The following TAP1 variants were observed in gnomAD, a reference collection of about 807,000 sequenced individuals.
TAP1 encodes the protein transporter 1, ATP binding cassette subfamily B member.
In TAP1, 56 loss-of-function variants were observed where a neutral mutation model predicts 79.3. The observed-to-expected ratio is 0.71, with a 90% CI of 0.57 to 0.88. TAP1 has a LOEUF of 0.88. Ranked by LOEUF, TAP1 falls within the 40% of genes least tolerant of loss-of-function variation. The pLI is 0.00. For missense variants in TAP1, 737 were observed against 936.3 expected, an observed-to-expected ratio of 0.79 and a Z score of 2.78; for synonymous variants, 355 against 401.4, an observed-to-expected ratio of 0.88 and a Z score of 1.38.
rs752253839 is a variant in TAP1 at position 32,847,091 on chromosome 6, G to A, written c.2017C>T (p.Leu673=). 6.2e-7 allele frequency: 1 copy of A among 1,612,764 alleles called. No individual in the cohort carries two copies. Among genetic ancestry groups the A allele is most frequent in the Admixed American group, 1.7e-5 (1 of 60,014 alleles). The change falls in exon 10 of 11, where the codon CTG becomes TTG. Residue 673 remains leucine (L), a synonymous_variant. Transcript: ENST00000354258. This position sits in a 1 kb window ranked among gnomAD's most constrained non-coding sequence, Gnocchi z 4.7. ...VLILDDATSA[L]DANSQLQVEQ... ...ACCTGTAACTGGCTGTTTGCATCCA[G>A]GGCACTGGTGGCATCATCCAGGATA...
At chr6:32,846,289 G>A (rs1770392955) in intron 10 of TAP1, 2 of 187,002 alleles carry the variant, frequency 1.1e-5, no homozygotes, top group Non-Finnish European at 1.2e-5. Context: ...ATAAATGAGT[G>A]ACAGTGCATG....
rs914632702 is a variant in TAP1, at chr6:32,852,000, T to C, written c.844+109A>G. 2.8e-6 allele frequency: 4 copies of C among 1,423,192 alleles called. No individual in the cohort carries two copies. The highest frequency in any genetic ancestry group is 3.4e-5 in the Admixed American group (2 of 58,608). The allele number at this position is 1,423,192 out of a possible 1,614,324, so 88.2% of individuals were successfully genotyped here. A position where few individuals can be genotyped will look rare whatever the true frequency, so the allele number is the denominator to read the frequency against. On this transcript the variant is annotated intron_variant, in intron 3 of 10. Transcript: ENST00000354258. The surrounding 1 kb of genome is among the most constrained non-coding windows in gnomAD (Gnocchi z 4.8). ...GTATATCAAGAATGAGAAGGAACAA[T>C]GTGTGTATGTGTGTGTGAGAGAGAG...
intron 6 of TAP1, 46 bp from the exon 7 acceptor site, chr6:32,848,886 G>T (rs16871027): frequency 0.029 from 46,062 of 1,612,656 alleles, 1,529 homozygotes; most frequent in African/African-American, 0.14. Flanking sequence ...CTGCTTGCCA[G>T]CATTATGTGA....
At position 32,853,069 on chromosome 6, in the gene TAP1, A is replaced by G. The variant is rs1454237146; in HGVS notation, c.568T>C (p.Phe190Leu). Residue 190 changes from phenylalanine (F) to leucine (L), a missense_variant, in exon 1 of 11, where the codon TTC (phenylalanine) becomes CTC (leucine). Physicochemically the swap from Phe to Leu is conservative, Grantham distance 22 (BLOSUM62 0). Transcript: ENST00000354258. This position sits in a 1 kb window ranked among gnomAD's most constrained non-coding sequence, Gnocchi z 8.3. ...LGSETRRLSLFLVLVVLSSLG... is the reference protein window; with the variant it reads ...LGSETRRLSLLLVLVVLSSLG... ...GAGGAGAGGACCACCAGGACCAGGAACAGCGAGAGGCGGCGCGTCTCCGAG... is the reference window on the plus strand; with the variant it reads ...GAGGAGAGGACCACCAGGACCAGGAGCAGCGAGAGGCGGCGCGTCTCCGAG... 1.2e-6 allele frequency: 2 copies of G among 1,612,656 alleles called. No homozygotes were observed. Among genetic ancestry groups the G allele is most frequent in the Non-Finnish European group, 1.7e-6 (2 of 1,180,022 alleles).
rs1249528291 is a variant in TAP1, at chr6:32,853,609, G to A, written c.28C>T (p.Arg10Cys). Reference sequence around the variant, plus strand: ...GCTCCGGGGAGGCAGCGGCACCCGCGGGGAGCGGGACACCTAGAGCTAGCC... The same window carrying A: ...GCTCCGGGGAGGCAGCGGCACCCGCAGGGAGCGGGACACCTAGAGCTAGCC... MASSRCPAPRGCRCLPGASL... is the reference protein window; with the variant it reads MASSRCPAPCGCRCLPGASL... The change falls in exon 1 of 11, where the codon CGC becomes TGC. Residue 10 changes from arginine to cysteine, a missense_variant. Arg to Cys is a radical substitution (Grantham distance 180). Coordinates refer to ENST00000354258, the MANE Select transcript of TAP1 (RefSeq NM_000593.6). The surrounding 1 kb of genome is among the most constrained non-coding windows in gnomAD (Gnocchi z 8.3). 1.2e-6 allele frequency: 2 copies of A among 1,612,340 alleles called. No individual in the cohort carries two copies. Among genetic ancestry groups the A allele is most frequent in the Admixed American group, 1.7e-5 (1 of 60,020 alleles).
In TAP1 at chr6:32,845,860, G is replaced by C. The variant is rs1347607032; in HGVS notation, c.2041-75C>G. The C allele has an allele frequency of 7.7e-7, 1 of 1,296,602 alleles. No individual in the cohort carries two copies. Among genetic ancestry groups the C allele is most frequent in the African/African-American group, 1.5e-5 (1 of 68,706 alleles). 80.3% of individuals were successfully genotyped at this position (1,296,602 alleles called of 1,614,324 possible). On this transcript the variant is annotated intron_variant, in intron 10 of 10. Transcript: ENST00000354258. The surrounding 1 kb of genome is among the most constrained non-coding windows in gnomAD (Gnocchi z 4.5). Reference sequence around the variant, plus strand: ...GGAGACACCTGTGTTTCCAGGGCTGGGACTGACCTCACAGGATCACTGCTG... The same window carrying C: ...GGAGACACCTGTGTTTCCAGGGCTGCGACTGACCTCACAGGATCACTGCTG...
In TAP1 at chr6:32,848,699, C is replaced by T. The variant is rs200865723; in HGVS notation, c.1519G>A (p.Asp507Asn). 2.7e-5 allele frequency: 44 copies of T among 1,614,144 alleles called. No individual in the cohort carries two copies. Among genetic ancestry groups the T allele is most frequent in the Admixed American group, 1.8e-4 (11 of 60,026 alleles). ...LHLEGLVQFQ[D>N]VSFAYPNRPD... ...CGGTTTGGGTAGGCAAAGGAGACAT[C>T]TTGGAACTGGACAAGGCCCTCCAAG... The change falls in exon 7 of 11, where the codon GAT (aspartate) becomes AAT (asparagine). Residue 507 changes from aspartate (D) to asparagine (N), a missense_variant. Coordinates refer to ENST00000354258, the MANE Select transcript of TAP1 (RefSeq NM_000593.6).
At position 32,852,222 on chromosome 6, in the gene TAP1, A is replaced by G; in HGVS notation, c.731T>C (p.Val244Ala). The G allele has an allele frequency of 1.9e-6, 3 of 1,613,034 alleles. No individual in the cohort carries two copies. The highest frequency in any genetic ancestry group is 2.5e-6 in the Non-Finnish European group (3 of 1,180,002). ...LTIASAVLEF[V>A]GDGIYNNTMG... ...GGTGTTGTTATAGATCCCGTCACCC[A>G]CGAACTCCAGCACTGCACTATAAAG... Residue 244 changes from valine to alanine, a missense_variant, in exon 3 of 11, where the codon GTG becomes GCG. Physicochemically the swap from Val to Ala is moderately conservative, Grantham distance 64. Transcript: ENST00000354258. This position sits in a 1 kb window ranked among gnomAD's most constrained non-coding sequence, Gnocchi z 4.8.
Position 32,852,008 on chromosome 6 carries a change from T to A in TAP1, c.844+101A>T. The A allele has an allele frequency of 6.8e-7, 1 of 1,476,470 alleles. No individual in the cohort carries two copies. 91.5% of individuals were successfully genotyped at this position (1,476,470 alleles called of 1,614,324 possible). On this transcript the variant is annotated intron_variant, in intron 3 of 10. Coordinates refer to ENST00000354258, the MANE Select transcript of TAP1 (RefSeq NM_000593.6). This position sits in a 1 kb window ranked among gnomAD's most constrained non-coding sequence, Gnocchi z 4.8. ...AGAATGAGAAGGAACAATGTGTGTA[T>A]GTGTGTGTGAGAGAGAGAGAGCGGG...
Position 32,851,842 on chromosome 6 carries a change from G to C in TAP1, c.844+267C>G, listed in dbSNP as rs956813677. Among the ~76,000 whole-genome samples, 2 of 151,990 alleles carry C rather than the reference G, an allele frequency of 1.3e-5. No homozygotes were observed. The highest frequency in any genetic ancestry group is 1.3e-4 in the Admixed American group (2 of 15,242). ...AAGAAAATGCTAGATGAAAACTCTAGGTTTTTCTTAAGGTAAGGAGGACAA... is the reference window on the plus strand; with the variant it reads ...AAGAAAATGCTAGATGAAAACTCTACGTTTTTCTTAAGGTAAGGAGGACAA... On this transcript the variant is annotated intron_variant, in intron 3 of 10. Coordinates refer to ENST00000354258, the MANE Select transcript of TAP1 (RefSeq NM_000593.6). The surrounding 1 kb of genome is among the most constrained non-coding windows in gnomAD (Gnocchi z 4.8).
rs1337739864 is a variant in TAP1, at chr6:32,852,612, T to C, written c.599-110A>G. ...CCCCTCACCATTATCCTGGAGGGCA[T>C]CAGCAGAAAGGAAACACTGACGTCT... On this transcript the variant is annotated intron_variant, in intron 1 of 10. Coordinates refer to ENST00000354258, the MANE Select transcript of TAP1 (RefSeq NM_000593.6). This position sits in a 1 kb window ranked among gnomAD's most constrained non-coding sequence, Gnocchi z 4.8. The C allele has an allele frequency of 6.4e-7, 1 of 1,555,868 alleles. No individual in the cohort carries two copies. The highest frequency in any genetic ancestry group is 8.7e-7 in the Non-Finnish European group (1 of 1,151,300).
rs114600332 is a variant in TAP1, at chr6:32,845,913, A to G, written c.2041-128T>C. The G allele has an allele frequency of 1.1e-5, 8 of 750,476 alleles. No individual in the cohort carries two copies. Among genetic ancestry groups the G allele is most frequent in the African/African-American group, 5.2e-5 (3 of 57,988 alleles). 46.5% of individuals were successfully genotyped at this position (750,476 alleles called of 1,614,324 possible). A position where few individuals can be genotyped will look rare whatever the true frequency, so the allele number is the denominator to read the frequency against. ...TCTGCTAACAACCCCAAGGACACCA[A>G]CGTTTCCCATTCTGAGTACTTCTCC... is the stretch of plus-strand genomic sequence containing the variant. On this transcript the variant is annotated intron_variant, in intron 10 of 10. Coordinates refer to ENST00000354258, the MANE Select transcript of TAP1 (RefSeq NM_000593.6). This position sits in a 1 kb window ranked among gnomAD's most constrained non-coding sequence, Gnocchi z 4.5.
At chr6:32,849,202 A>G in intron 5 of TAP1, 84 bp from the exon 6 acceptor site, 1 of 1,515,932 alleles carries the variant, frequency 6.6e-7, no homozygotes, top group South Asian at 1.2e-5. Context: ...CCTGAAGGAA[A>G]TATCAAGTCC....
chr6:32,849,583 TACA>T, intron 5 of TAP1: 3 of 102,132 alleles, frequency 2.9e-5, no homozygotes, highest in South Asian at 3.7e-4. Flanking sequence ...CTACTAAAAA[TACA>T]AAAAAAAAAA....
chr6:32,847,017 A>G lies in TAP1; in HGVS notation c.2040+51T>C, dbSNP rs371917377. 6.8e-6 allele frequency: 11 copies of G among 1,606,526 alleles called. No individual in the cohort carries two copies. The African/African-American group carries it at 1.3e-4, about 19-fold the overall frequency. On this transcript the variant is annotated intron_variant, in intron 10 of 10. Transcript: ENST00000354258. This position sits in a 1 kb window ranked among gnomAD's most constrained non-coding sequence, Gnocchi z 4.7. Reference sequence around the variant, plus strand: ...TAGTAAAACTAACAGAAGATGTATAAAAGAAGCAAGATTGGGTGGGATATA... The same window carrying G: ...TAGTAAAACTAACAGAAGATGTATAGAAGAAGCAAGATTGGGTGGGATATA...
chr6:32,852,111 G>A lies in TAP1; in HGVS notation c.842C>T (p.Thr281Ile), dbSNP rs965393828. The A allele has an allele frequency of 6.2e-7, 1 of 1,612,884 alleles. No homozygotes were observed. Among genetic ancestry groups the A allele is most frequent in the Non-Finnish European group, 8.5e-7 (1 of 1,180,022 alleles). The change falls in exon 3 of 11, where the codon ACA (threonine) becomes ATA (isoleucine). Residue 281 changes from threonine (T) to isoleucine (I), a missense_variant and splice_region_variant. Around this residue, in one of 5 missense-constraint regions of TAP1, gnomAD observed 406 missense variants for 477.2 expected, o/e 0.85. Transcript: ENST00000354258. The surrounding 1 kb of genome is among the most constrained non-coding windows in gnomAD (Gnocchi z 4.8). ...AATGAAAGAGTTTCAGGAGAAACCT[G>A]TCTGGTTCTGTTGGAAAAACTCCGT... ...QETEFFQQNQ[T>I]GNIMSRVTED... is the part of the protein sequence containing the mutation.
At chr6:32,849,227 A>T (rs999961577) in intron 5 of TAP1, 109 bp from the exon 6 acceptor site, 54 of 1,396,954 alleles carry the variant, frequency 3.9e-5, no homozygotes, top group Non-Finnish European at 5.1e-5. Flanking sequence ...CTCCTAAGTG[A>T]CATCGGCAGG....
At position 32,848,018 on chromosome 6, in the gene TAP1, C is replaced by A. The variant is rs1562365671; in HGVS notation, c.1641G>T (p.Val547=). The change falls in exon 8 of 11, where the codon GTG becomes GTT. Residue 547 remains valine, a synonymous_variant. Coordinates refer to ENST00000354258, the MANE Select transcript of TAP1 (RefSeq NM_000593.6). ...GGTACAGATTCTGCAGCAGGGCAGC[C>A]ACTGTGCTCTTCCCAGACCCATTGG... ...VGPNGSGKST[V]AALLQNLYQP... 3.1e-6 allele frequency: 5 copies of A among 1,613,146 alleles called. No homozygotes were observed. The highest frequency in any genetic ancestry group is 3.4e-6 in the Non-Finnish European group (4 of 1,180,050).
chr6:32,848,547 G>T, intron 7 of TAP1, 105 bp downstream of exon 7: 1 of 1,245,764 alleles, frequency 8.0e-7, no homozygotes, highest in South Asian at 1.2e-5. Context: ...TAAAGGGTTA[G>T]GGAGGATATA....
Sources: allele counts gnomAD v4.1 joint callset (sites outside exome capture counted in the v4.1 genomes callset), GRCh38; gene constraint gnomAD v4.1.1; regional missense constraint gnomAD v4.1.1; non-coding constraint Gnocchi (gnomAD v3.1); transcripts MANE v1.5; gene names NCBI Gene and HGNC (gene_info 2026-07-23, HGNC 2026-07-21).